The following RPS19 variants were observed in gnomAD, a reference collection of about 807,000 sequenced individuals.
The protein encoded by RPS19 is small ribosomal subunit protein eS19.
RPS19 carries 1 observed loss-of-function variant against 20.3 expected under a neutral mutation model. That is an observed-to-expected ratio of 0.05 (90% confidence interval 0.02 to 0.23). RPS19 has a LOEUF of 0.23. RPS19 is among the 10% of genes least tolerant of loss of function. The probability of loss-of-function intolerance (pLI) is 1.00; values close to 1 mark genes in which losing one functional copy is unlikely to be tolerated. For missense variants in RPS19, 111 were observed against 192.7 expected, an observed-to-expected ratio of 0.58 and a Z score of 2.51; for synonymous variants, 87 against 74.8, an observed-to-expected ratio of 1.16 and a Z score of -0.84.
intron 5 of RPS19, among the ~76,000 whole-genome samples, chr19:41,871,063 A>T (rs773411999): frequency 5.3e-5 from 8 of 151,600 alleles, no homozygotes; most frequent in Non-Finnish European, 8.8e-5. Flanking sequence ...GGGTTTCACC[A>T]TATTGGTCAG....
In RPS19 at chr19:41,869,094, A is replaced by G. The variant is rs782350250; in HGVS notation, c.236A>G (p.Tyr79Cys). The G allele has an allele frequency of 1.2e-6, 2 of 1,613,716 alleles. No homozygotes were observed. Among genetic ancestry groups the G allele is most frequent in the Non-Finnish European group, 8.5e-7 (1 of 1,179,826 alleles). The stretch of plus-strand genomic sequence containing the variant: ...GGGGTTGGCTCCATGACCAAGATCT[A>G]TGGGGGACGTCAGAGAAACGGCGTC... ...GAGVGSMTKI[Y>C]GGRQRNGVMP... The change falls in exon 4 of 6, where the codon TAT becomes TGT. Residue 79 changes from tyrosine (Y) to cysteine (C), a missense_variant. Physicochemically the swap from Tyr to Cys is radical, Grantham distance 194. Coordinates refer to ENST00000598742, the MANE Select transcript of RPS19 (RefSeq NM_001022.4).
intron 3 of RPS19, among the ~76,000 whole-genome samples, chr19:41,867,578 G>A (rs202166438): frequency 6.6e-6 from 1 of 152,174 alleles, no homozygotes. Flanking sequence ...TCCCAAAGTG[G>A]TGGGATTACA....
chr19:41,865,484 G>A (rs1157432545), intron 3 of RPS19, among the ~76,000 whole-genome samples: 1 of 152,144 alleles, frequency 6.6e-6, no homozygotes, highest in Non-Finnish European at 1.5e-5. Flanking sequence ...TGGAGGATAG[G>A]TGGGTCCTGT....
chr19:41,860,976 GC>G, intron 2 of RPS19, 131 bp downstream of exon 2: 1 of 1,107,860 alleles, frequency 9.0e-7, no homozygotes, highest in Non-Finnish European at 1.4e-6. Flanking sequence ...TCAGCGTGAG[GC>G]CTGGCTTGTG....
intron 1 of RPS19, 40 bp from the exon 2 acceptor site, chr19:41,860,735 C>T (rs369535065): frequency 9.8e-5 from 147 of 1,497,062 alleles, no homozygotes; most frequent in Middle Eastern, 1.7e-4. Context: ...GCAGTCGTCT[C>T]TGCCAGGCCT....
intron 1 of RPS19, 130 bp from the exon 2 acceptor site, chr19:41,860,645 G>C: frequency 3.7e-6 from 3 of 800,988 alleles, no homozygotes; most frequent in East Asian, 2.4e-5. Flanking sequence ...CGGCGTTGAA[G>C]GGGCCGTGGG....
At chr19:41,860,499 G>A in intron 1 of RPS19, 1 of 498,382 alleles carries the variant, frequency 2.0e-6, no homozygotes, top group East Asian at 3.7e-5. Flanking sequence ...GGCGGGGTGC[G>A]TGGGGCGTCC....
Position 41,867,588 on chromosome 19 carries a change from A to G in RPS19, c.173-1443A>G, listed in dbSNP as rs1216303301. 2.0e-5 allele frequency among the ~76,000 whole-genome samples: 3 copies of G among 152,252 alleles called. No individual in the cohort carries two copies. The East Asian group carries it at 5.8e-4, about 29-fold the overall frequency. On this transcript the variant is annotated intron_variant, in intron 3 of 5. Transcript: ENST00000598742. ...CAGCCTCCCAAAGTGGTGGGATTAC[A>G]GGCGTGAGCCACTGCGCCCGGCCTG...
chr19:41,869,227 G>T lies in RPS19; in HGVS notation c.356+13G>T. The stretch of plus-strand genomic sequence containing the variant: ...AGGACCAAGATGGGTAAGCAGGGTA[G>T]AGGGGGCTGCATTGATGGAGTAGCC... On this transcript the variant is annotated intron_variant, in intron 4 of 5. Transcript: ENST00000598742. 2 of 1,610,456 alleles carry T rather than the reference G, an allele frequency of 1.2e-6. No homozygotes were observed. Among genetic ancestry groups the T allele is most frequent in the South Asian group, 1.1e-5 (1 of 90,886 alleles).
rs35987051 is a variant in RPS19 at position 41,870,849 on chromosome 19, CTTTTTTTTTT to C, written c.412-480_412-471del. ...TGGACTCCACTCCGCCACTCCCTTCCTTTTTTTTTTTTTTTTTTTTTTTTTTTTTTTGAGA... is the reference window on the plus strand; with the variant it reads ...TGGACTCCACTCCGCCACTCCCTTCCTTTTTTTTTTTTTTTTTTTTTGAGA... On this transcript the variant is annotated intron_variant, in intron 5 of 5. Coordinates refer to ENST00000598742, the MANE Select transcript of RPS19 (RefSeq NM_001022.4). Among the ~76,000 whole-genome samples, 249 of 44,020 alleles carry C rather than the reference CTTTTTTTTTT, an allele frequency of 5.7e-3. 2 individuals carry two copies. Among genetic ancestry groups the C allele is most frequent in the African/African-American group, 0.022 (239 of 10,852 alleles). The allele number at this position is 44,020 out of a possible 152,430, so 28.9% of individuals were successfully genotyped here. A position where few individuals can be genotyped will look rare whatever the true frequency, so the allele number is the denominator to read the frequency against.
At chr19:41,866,301 A>T (rs1031672785) in intron 3 of RPS19, among the ~76,000 whole-genome samples, 19 of 152,206 alleles carry the variant, frequency 1.2e-4, no homozygotes, top group African/African-American at 4.1e-4. Context: ...TGCGTTCCCC[A>T]GTCCTGGGTA....
At chr19:41,870,525 C>T (rs1555841750) in intron 5 of RPS19, among the ~76,000 whole-genome samples, 6 of 152,162 alleles carry the variant, frequency 3.9e-5, no homozygotes, top group Non-Finnish European at 5.9e-5. Context: ...CTTGGCCTCC[C>T]TGTGGCCAAA....
intron 5 of RPS19, among the ~76,000 whole-genome samples, chr19:41,870,929 G>C (rs1226812125): frequency 8.0e-6 from 1 of 124,974 alleles, no homozygotes; most frequent in Non-Finnish European, 1.6e-5. Context: ...GTGGTGCAAT[G>C]TCAGCTCACT....
intron 5 of RPS19, among the ~76,000 whole-genome samples, chr19:41,870,257 TGGAG>T (rs2074133118): frequency 6.6e-6 from 1 of 151,050 alleles, no homozygotes; most frequent in Admixed American, 6.6e-5. Flanking sequence ...AAAAAAAAAT[TGGAG>T]GGAACTCCAG....
At chr19:41,861,934 A>G (rs1237959952) in intron 3 of RPS19, among the ~76,000 whole-genome samples, 5 of 152,212 alleles carry the variant, frequency 3.3e-5, no homozygotes, top group African/African-American at 7.2e-5. Context: ...ACGTGTCTTA[A>G]TATTTCAGTA....
chr19:41,867,380 T>C (rs897200059), intron 3 of RPS19, among the ~76,000 whole-genome samples: 7 of 152,224 alleles, frequency 4.6e-5, no homozygotes, highest in African/African-American at 1.7e-4. Context: ...CTTGGCTAAC[T>C]GCAACCTCTG....
chr19:41,870,849 C>CTTTTTTTTTTTTTTTT (rs35987051), intron 5 of RPS19, among the ~76,000 whole-genome samples: 9 of 44,024 alleles, frequency 2.0e-4, no homozygotes, highest in African/African-American at 9.2e-5. Flanking sequence ...CACTCCCTTC[C>CTTTTTTTTTTTTTTTT]TTTTTTTTTT....
intron 3 of RPS19, among the ~76,000 whole-genome samples, chr19:41,865,349 G>A (rs1015043477): frequency 1.4e-5 from 2 of 145,890 alleles, no homozygotes; most frequent in African/African-American, 2.5e-5. Context: ...CTGGGCAACA[G>A]AGTGAGACTG....
intron 1 of RPS19, chr19:41,860,519 G>C (rs550444709): frequency 3.0e-5 from 16 of 540,538 alleles, no homozygotes; most frequent in South Asian, 2.6e-4. Flanking sequence ...CGGAGTCCCG[G>C]GGCTGGGGAG....
Sources: allele counts gnomAD v4.1 joint callset (sites outside exome capture counted in the v4.1 genomes callset), GRCh38; gene constraint gnomAD v4.1.1; transcripts MANE v1.5; gene names NCBI Gene and HGNC (gene_info 2026-07-23, HGNC 2026-07-21).